METTL22: variants seen among roughly 807,000 people sequenced by gnomAD.
METTL22 encodes the protein methyltransferase-like protein 22.
In METTL22, 51 loss-of-function variants were observed where a neutral mutation model predicts 48.4. The observed-to-expected ratio is 1.05, with a 90% CI of 0.84 to 1.33. The LOEUF (loss-of-function observed/expected upper bound fraction) is 1.33. METTL22 is among the 40% of genes most tolerant of loss of function. The probability of loss-of-function intolerance (pLI) is 0.00; values close to 1 mark genes in which losing one functional copy is unlikely to be tolerated. For missense variants in METTL22, 678 were observed against 526.9 expected (o/e 1.29, Z -2.81); for synonymous variants, 255 against 214.1 (o/e 1.19, Z -1.67).
At chr16:8,643,626 T>G (rs533461743) in intron 9 of METTL22, among the ~76,000 whole-genome samples, 84 of 152,188 alleles carry the variant, frequency 5.5e-4, no homozygotes, top group Non-Finnish European at 1.0e-3. Flanking sequence ...TTTTTTTGTT[T>G]TTTTGAGGCA....
At position 8,634,912 on chromosome 16, in the gene METTL22, G is replaced by C. The variant is rs1230294369; in HGVS notation, c.515-127G>C. 5.9e-6 allele frequency: 7 copies of C among 1,192,020 alleles called. No individual in the cohort carries two copies. The African/African-American group carries it at 8.9e-5, about 15-fold the overall frequency. The allele number at this position is 1,192,020 out of a possible 1,614,324, so 73.8% of individuals were successfully genotyped here. On this transcript the variant is annotated intron_variant, in intron 3 of 10. Transcript: ENST00000381920. ...CAGCCTGTGTTTCTGCTGCTCTCTA[G>C]AACGCCTCATTCCAACCTCTGACGC...
At chr16:8,655,617 G>C in the METTL22 span, among the ~76,000 whole-genome samples, 2 of 152,340 alleles carry the variant, frequency 1.3e-5, no homozygotes, top group African/African-American at 4.8e-5. Context: ...AATACCCAAA[G>C]GTGGGATCAC....
downstream of METTL22, among the ~76,000 whole-genome samples, chr16:8,651,460 T>G (rs981715497): frequency 1.3e-5 from 2 of 151,124 alleles, no homozygotes; most frequent in African/African-American, 4.9e-5. Context: ...GGTGAAGTTT[T>G]CATTAAATTG....
chr16:8,627,499 G>A (rs1352537968), intron 2 of METTL22, among the ~76,000 whole-genome samples: 2 of 152,044 alleles, frequency 1.3e-5, no homozygotes. Flanking sequence ...CAACTACCCT[G>A]TATTAGCTTG....
rs552928029 is a variant in METTL22, at chr16:8,646,155, C to T, written c.*12C>T. On this transcript the variant is annotated 3_prime_UTR_variant, in exon 11 of 11. Coordinates refer to ENST00000381920, the MANE Select transcript of METTL22 (RefSeq NM_024109.4). ...AACCAGTAACATGACCCATCGCCTC[C>T]ACAAGGCGCGGCGTCTCGACTGTTC... 6.2e-7 allele frequency: 1 copy of T among 1,614,060 alleles called. No homozygotes were observed. The highest frequency in any genetic ancestry group is 8.5e-7 in the Non-Finnish European group (1 of 1,179,946).
Position 8,635,093 on chromosome 16 carries a change from G to C in METTL22, c.555+14G>C, listed in dbSNP as rs142324152. ...GTTGGCAAGCAGGTGGGTAGGTCTT[G>C]TCCGCTTCCTGTGGCCCTGATGGGT... On this transcript the variant is annotated intron_variant, in intron 4 of 10. Transcript: ENST00000381920. 4 of 1,613,888 alleles carry C rather than the reference G, an allele frequency of 2.5e-6. No homozygotes were observed. Among genetic ancestry groups the C allele is most frequent in the Non-Finnish European group, 3.4e-6 (4 of 1,180,018 alleles).
chr16:8,634,007 A>C (rs771805191), intron 3 of METTL22, among the ~76,000 whole-genome samples: 15 of 152,268 alleles, frequency 9.9e-5, no homozygotes, highest in South Asian at 2.1e-4. Flanking sequence ...GTTTCAAACC[A>C]GGTGACTACG....
chr16:8,628,897 C>T lies in METTL22; in HGVS notation c.301C>T (p.Gln101Ter), dbSNP rs2056155306. ...CCATGGTAATGAGGGTTTCTCCCTC[C>T]AGGCCGGGACTGACACCACTGGCCA... ...SGHGNEGFSL[Q>*]AGTDTTGQEV... The change falls in exon 3 of 11, where the codon CAG becomes TAG. Residue 101 changes from glutamine to a stop codon, truncating the protein, a stop_gained. Transcript: ENST00000381920. LOFTEE classifies it high-confidence loss of function. The T allele has an allele frequency of 1.2e-6, 2 of 1,614,004 alleles. No homozygotes were observed. Among genetic ancestry groups the T allele is most frequent in the African/African-American group, 2.7e-5 (2 of 74,978 alleles).
chr16:8,625,886 C>G, intron 2 of METTL22, 88 bp downstream of exon 2: 2 of 1,519,700 alleles, frequency 1.3e-6, no homozygotes, highest in Admixed American at 1.8e-5. Flanking sequence ...ATTGGGAAGA[C>G]TGGATTACGT....
At chr16:8,640,607 AGGAT>A (rs61258032) in intron 6 of METTL22, among the ~76,000 whole-genome samples, 1 of 17,116 alleles carries the variant, frequency 5.8e-5, no homozygotes, top group Non-Finnish European at 9.9e-5. Context: ...GGTAGATGAG[AGGAT>A]GGATGGATGG....
intron 5 of METTL22, among the ~76,000 whole-genome samples, chr16:8,638,651 G>A (rs575837709): frequency 6.6e-6 from 1 of 152,214 alleles, no homozygotes; most frequent in Non-Finnish European, 1.5e-5. Flanking sequence ...GTCAAAGAAC[G>A]AGCCTAAATT....
At chr16:8,644,872 G>T in intron 10 of METTL22, 147 bp downstream of exon 10, 1 of 832,426 alleles carries the variant, frequency 1.2e-6, no homozygotes, top group Non-Finnish European at 1.8e-6. Context: ...GGCACCATCT[G>T]TAGTGGAACC....
the METTL22 span, among the ~76,000 whole-genome samples, chr16:8,661,848 C>G: frequency 6.9e-6 from 1 of 144,868 alleles, no homozygotes; most frequent in Non-Finnish European, 1.5e-5. Flanking sequence ...GCTGGAATTA[C>G]AGGCATGAGC....
At chr16:8,638,972 G>A (rs1430060495) in intron 5 of METTL22, 119 bp from the exon 6 acceptor site, 1 of 976,730 alleles carries the variant, frequency 1.0e-6, no homozygotes. Context: ...ACACATAGGA[G>A]AAACGTTTCT....
chr16:8,653,095 T>C (rs1567255955), downstream of METTL22, among the ~76,000 whole-genome samples: 1 of 152,182 alleles, frequency 6.6e-6, no homozygotes, highest in Non-Finnish European at 1.5e-5. Context: ...AAGCAGGCAG[T>C]GGATCCCAGC....
Position 8,635,330 on chromosome 16 carries a change from C to T in METTL22, c.700+18C>T, listed in dbSNP as rs1244375036. ...TTGTACAGGTAATGAGGTGACATCTCAGGCTGCAGGGAAGTAGTCACCTTC... is the reference window on the plus strand; with the variant it reads ...TTGTACAGGTAATGAGGTGACATCTTAGGCTGCAGGGAAGTAGTCACCTTC... On this transcript the variant is annotated intron_variant, in intron 5 of 10. Transcript: ENST00000381920. The T allele has an allele frequency of 6.6e-7, 1 of 1,524,218 alleles. No homozygotes were observed. The allele number at this position is 1,524,218 out of a possible 1,614,324, so 94.4% of individuals were successfully genotyped here.
chr16:8,622,188 G>A (rs1378654890), intron 1 of METTL22, among the ~76,000 whole-genome samples: 2 of 152,198 alleles, frequency 1.3e-5, no homozygotes, highest in African/African-American at 4.8e-5. Flanking sequence ...CCCCCAGCCT[G>A]GGCCTTCACA....
At position 8,639,055 on chromosome 16, in the gene METTL22, G is replaced by C. The variant is rs150286615; in HGVS notation, c.701-36G>C. The C allele has an allele frequency of 3.7e-3, 5,892 of 1,608,804 alleles. 18 individuals are homozygous for C. The highest frequency in any genetic ancestry group is 4.5e-3 in the Non-Finnish European group (5,309 of 1,175,556). On this transcript the variant is annotated intron_variant, in intron 5 of 10. Transcript: ENST00000381920. ...AACATGGAGATAAAAGTGTCGTAGT[G>C]GCTGGCACTTTATGGCTTGCCCTCT...
chr16:8,634,302 T>C (rs2056357799), intron 3 of METTL22, among the ~76,000 whole-genome samples: 1 of 152,198 alleles, frequency 6.6e-6, no homozygotes, highest in African/African-American at 2.4e-5. Context: ...TGTTACCATC[T>C]CACTTAAAAA....
Sources: gnomAD v4.1 joint callset for allele counts (sites outside exome capture counted in the v4.1 genomes callset) on GRCh38, gnomAD v4.1.1 for gene constraint, MANE v1.5 for transcripts, NCBI Gene and HGNC (gene_info 2026-07-23, HGNC 2026-07-21) for gene names.